RASA2: variants seen among roughly 807,000 people sequenced by gnomAD.
RASA2 encodes the protein ras GTPase-activating protein 2.
In RASA2, 155 loss-of-function variants were observed where a neutral mutation model predicts 118.2. That is an observed-to-expected ratio of 1.31 (90% CI 1.15 to 1.50). The LOEUF is 1.50. Among genes scored for constraint, RASA2 ranks in the 40% most tolerant of loss-of-function variants. The probability of loss-of-function intolerance (pLI) is 0.00; values close to 1 mark genes in which losing one functional copy is unlikely to be tolerated. For missense variants in RASA2, 1,016 were observed against 1,009.6 expected (o/e 1.01, Z -0.09); for synonymous variants, 353 against 349.1 (o/e 1.01, Z -0.12).
At position 141,608,541 on chromosome 3, in the gene RASA2, G is replaced by C; in HGVS notation, c.2069G>C (p.Cys690Ser). 1 of 1,613,992 alleles carries C rather than the reference G, an allele frequency of 6.2e-7. No homozygotes were observed. The highest frequency in any genetic ancestry group is 8.5e-7 in the Non-Finnish European group (1 of 1,179,916). The part of the protein sequence containing the change: ...EKPLYVQANN[C>S]VEANEWIDVL... ...CCACTCTATGTCCAGGCAAATAACT[G>C]TGTAGAAGCTAATGAATGGATAGAC... Residue 690 changes from cysteine to serine, a missense_variant, in exon 21 of 24, where the codon TGT (cysteine) becomes TCT (serine). This residue lies in a region of RASA2 where 896 missense variants were observed against 836.4 expected (regional missense o/e 1.07). Transcript: ENST00000286364.
chr3:141,572,752 T>C (rs1181898959), intron 12 of RASA2, 29 bp downstream of exon 12: 1 of 1,467,916 alleles, frequency 6.8e-7, no homozygotes, highest in East Asian at 2.3e-5. Context: ...ACAATGATAG[T>C]TTGTGGCCTT....
intron 19 of RASA2, among the ~76,000 whole-genome samples, chr3:141,590,823 A>G (rs993374099): frequency 1.3e-5 from 2 of 152,208 alleles, no homozygotes; most frequent in African/African-American, 4.8e-5. Context: ...TCTTTTCCCA[A>G]TTTACTGGAA....
At chr3:141,611,850 AG>A (rs1379514524) in intron 23 of RASA2, among the ~76,000 whole-genome samples, 2 of 152,182 alleles carry the variant, frequency 1.3e-5, no homozygotes, top group Non-Finnish European at 2.9e-5. Context: ...CTCTTCCAAC[AG>A]TAGTAATCCA....
intron 19 of RASA2, among the ~76,000 whole-genome samples, chr3:141,587,221 A>T (rs1375520278): frequency 6.6e-6 from 1 of 152,220 alleles, no homozygotes; most frequent in African/African-American, 2.4e-5. Context: ...GCTCTTAGCT[A>T]AGCTAACCCC....
chr3:141,537,955 C>T (rs960219473), intron 4 of RASA2, among the ~76,000 whole-genome samples: 2 of 151,986 alleles, frequency 1.3e-5, no homozygotes, highest in Non-Finnish European at 2.9e-5. Flanking sequence ...TGGTATATTT[C>T]CTCTAGAGAA....
In RASA2 at chr3:141,571,052, A is replaced by G. The variant is rs1213264832; in HGVS notation, c.1004A>G (p.Lys335Arg). 1 of 1,602,190 alleles carries G rather than the reference A, an allele frequency of 6.2e-7. No homozygotes were observed. The highest frequency in any genetic ancestry group is 1.7e-4 in the Middle Eastern group (1 of 6,040). ...YYGPLKTLLL[K>R]SPDVQPISAS... The stretch of plus-strand genomic sequence containing the variant: ...GGTCCTTTGAAAACTTTGCTGCTAA[A>G]ATCACCAGATGTTCAAGTATGTTAA... The change falls in exon 10 of 24, where the codon AAA (lysine) becomes AGA (arginine). Residue 335 changes from lysine (K) to arginine (R), a missense_variant. By Grantham distance (26) the Lys-to-Arg change is conservative. Coordinates refer to ENST00000286364, the MANE Select transcript of RASA2 (RefSeq NM_006506.5).
intron 7 of RASA2, among the ~76,000 whole-genome samples, chr3:141,556,703 G>A (rs1213963089): frequency 2.0e-5 from 3 of 152,010 alleles, no homozygotes; most frequent in Non-Finnish European, 2.9e-5. Flanking sequence ...TCATATCAAC[G>A]TGTAGGGAAG....
chr3:141,576,857 T>C (rs2083019668), intron 14 of RASA2, 143 bp from the exon 15 acceptor site: 1 of 414,234 alleles, frequency 2.4e-6, no homozygotes, highest in Admixed American at 4.4e-5. Flanking sequence ...GTCATAAATA[T>C]CACTATCATT....
chr3:141,599,102 TTAAAA>T (rs566345770), intron 19 of RASA2, among the ~76,000 whole-genome samples: 295 of 151,944 alleles, frequency 1.9e-3, no homozygotes, highest in African/African-American at 6.6e-3. Context: ...AATAAATTAA[TTAAAA>T]TAAATTTAAC....
rs949684095 is a variant in RASA2 at position 141,540,545 on chromosome 3, C to G, written c.463C>G (p.Leu155Val). ...SNSEVQGKVH[L>V]ELKLNELITE... ...TTTGTCATTATAGGGTAAAGTTCAC[C>G]TTGAATTAAAACTGAATGAACTGAT... The change falls in exon 5 of 24, where the codon CTT becomes GTT. Residue 155 changes from leucine (L) to valine (V), a missense_variant. Leu to Val is a conservative substitution (Grantham distance 32, BLOSUM62 1). Transcript: ENST00000286364. The G allele has an allele frequency of 1.2e-6, 2 of 1,611,188 alleles. No homozygotes were observed. The highest frequency in any genetic ancestry group is 2.7e-5 in the African/African-American group (2 of 74,786).
chr3:141,511,624 A>G (rs931182640), intron 1 of RASA2, among the ~76,000 whole-genome samples: 1 of 152,204 alleles, frequency 6.6e-6, no homozygotes, highest in Admixed American at 6.5e-5. Flanking sequence ...GTCCTCAGCT[A>G]GAGCAGTTTT....
Position 141,613,484 on chromosome 3 carries a change from G to A in RASA2, c.*1171G>A, listed in dbSNP as rs1577842577. ...AAACCCTAACTGTAAATAAGCAGTCGAAGCAAGTTGCCACCTTGAAGTTGA... is the reference window on the plus strand; with the variant it reads ...AAACCCTAACTGTAAATAAGCAGTCAAAGCAAGTTGCCACCTTGAAGTTGA... On this transcript the variant is annotated 3_prime_UTR_variant, in exon 24 of 24. Coordinates refer to ENST00000286364, the MANE Select transcript of RASA2 (RefSeq NM_006506.5). 1 of 152,094 alleles carries A rather than the reference G, an allele frequency of 6.6e-6. No individual in the cohort carries two copies. Among genetic ancestry groups the A allele is most frequent in the Non-Finnish European group, 1.5e-5 (1 of 68,024 alleles). 9.4% of individuals were successfully genotyped at this position (152,094 alleles called of 1,614,324 possible).
chr3:141,574,055 CAG>C lies in RASA2; in HGVS notation c.1475_1476del (p.Arg492IlefsTer3). ...TTATTCTCTAAGGCAGATGGCTACT[CAG>C]AGATTTCCTAGTAAGTGCCTTGTTT... ...IFYSLRQMATQRFPNDPHVQY... is the reference protein window; with the variant it reads ...IFYSLRQMATXRFPNDPHVQY... On this transcript the variant is annotated frameshift_variant, in exon 14 of 24. Coordinates refer to ENST00000286364, the MANE Select transcript of RASA2 (RefSeq NM_006506.5). LOFTEE classifies it high-confidence loss of function. 6.7e-7 allele frequency: 1 copy of C among 1,482,928 alleles called. No homozygotes were observed. The highest frequency in any genetic ancestry group is 9.0e-7 in the Non-Finnish European group (1 of 1,108,246). 91.9% of individuals were successfully genotyped at this position (1,482,928 alleles called of 1,614,324 possible).
At chr3:141,571,897 A>G (rs950586783) in intron 11 of RASA2, among the ~76,000 whole-genome samples, 1 of 151,876 alleles carries the variant, frequency 6.6e-6, no homozygotes, top group Non-Finnish European at 1.5e-5. Context: ...ATGCATATGT[A>G]TGACATTCTA....
chr3:141,492,536 C>T (rs1343173855), intron 1 of RASA2, among the ~76,000 whole-genome samples: 3 of 152,156 alleles, frequency 2.0e-5, no homozygotes, highest in Non-Finnish European at 1.5e-5. Flanking sequence ...AATTTGTTTT[C>T]CTGTCATTAA....
chr3:141,611,350 G>A (rs1316948315), intron 23 of RASA2, among the ~76,000 whole-genome samples: 1 of 152,130 alleles, frequency 6.6e-6, no homozygotes, highest in African/African-American at 2.4e-5. Flanking sequence ...AGAAAAGGCT[G>A]TTTTCTCCGT....
intron 6 of RASA2, 23 bp downstream of exon 6, chr3:141,553,963 T>C: frequency 6.3e-7 from 1 of 1,589,098 alleles, no homozygotes. Context: ...GAATTATTAT[T>C]AGGTTTTAAA....
intron 22 of RASA2, 66 bp from the exon 23 acceptor site, chr3:141,609,811 G>A (rs1188262513): frequency 7.2e-6 from 10 of 1,398,572 alleles, no homozygotes; most frequent in East Asian, 2.4e-5. Context: ...ATTCTTATTT[G>A]TACTACATAT....
intron 3 of RASA2, among the ~76,000 whole-genome samples, chr3:141,519,804 A>G (rs553854865): frequency 6.6e-6 from 1 of 152,178 alleles, no homozygotes; most frequent in South Asian, 2.1e-4. Context: ...TGGGACTTTT[A>G]AGATGAGTAA....
Sources: gnomAD v4.1 joint callset for allele counts (sites outside exome capture counted in the v4.1 genomes callset) on GRCh38, gnomAD v4.1.1 for gene constraint, gnomAD v4.1.1 regional missense constraint, MANE v1.5 for transcripts, NCBI Gene and HGNC (gene_info 2026-07-23, HGNC 2026-07-21) for gene names.